The following CTNNA2 variants were observed in gnomAD, a reference collection of about 807,000 sequenced individuals.
The protein encoded by CTNNA2 is catenin alpha 2, also known as catenin alpha-2.
In CTNNA2, 42 loss-of-function variants were observed where a neutral mutation model predicts 101.0. The observed-to-expected ratio is 0.42, with a 90% confidence interval of 0.32 to 0.54. The LOEUF is 0.54. Ranked by LOEUF, CTNNA2 falls within the 20% of genes least tolerant of loss-of-function variation. The pLI is 0.14. For missense variants in CTNNA2, 871 were observed against 1,223.1 expected (o/e 0.71, Z 4.29); for synonymous variants, 450 against 456.4 (o/e 0.99, Z 0.18).
At chr2:80,190,032 G>C (rs1039370431) in intron 7 of CTNNA2, among the ~76,000 whole-genome samples, 4 of 151,900 alleles carry the variant, frequency 2.6e-5, no homozygotes, top group African/African-American at 9.7e-5. Flanking sequence ...TCTAATTACT[G>C]ATGCCTTTAA....
At chr2:79,470,436 G>A (rs563618701) in intron 4 of CTNNA2, among the ~76,000 whole-genome samples, 36 of 152,306 alleles carry the variant, frequency 2.4e-4, no homozygotes, top group Middle Eastern at 3.4e-3. Flanking sequence ...AAGGCAAGAA[G>A]GGATATTACA....
intron 7 of CTNNA2, among the ~76,000 whole-genome samples, chr2:79,976,675 T>A (rs1690867655): frequency 6.6e-6 from 1 of 152,192 alleles, no homozygotes; most frequent in Non-Finnish European, 1.5e-5. Context: ...ATTGTCCCAT[T>A]GCATAGACAA....
intron 3 of CTNNA2, among the ~76,000 whole-genome samples, chr2:79,846,512 C>T (rs1263471888): frequency 6.6e-6 from 1 of 152,158 alleles, no homozygotes; most frequent in Non-Finnish European, 1.5e-5. Flanking sequence ...CAAATACATA[C>T]ACATAAGTGG....
chr2:80,179,596 A>T (rs1359704714), intron 7 of CTNNA2, among the ~76,000 whole-genome samples: 1 of 152,088 alleles, frequency 6.6e-6, no homozygotes, highest in Admixed American at 6.6e-5. Flanking sequence ...GATGGTCTAG[A>T]TCTCCTGACC....
At chr2:79,666,302 G>A (rs1015015338) in intron 2 of CTNNA2, among the ~76,000 whole-genome samples, 1 of 152,066 alleles carries the variant, frequency 6.6e-6, no homozygotes, top group African/African-American at 2.4e-5. Flanking sequence ...TGATTTCTTA[G>A]TGTGGCTCCT....
chr2:80,116,423 G>T (rs1558823733), intron 7 of CTNNA2, among the ~76,000 whole-genome samples: 4 of 148,956 alleles, frequency 2.7e-5, no homozygotes, highest in African/African-American at 7.4e-5. Flanking sequence ...TTAGAATTTA[G>T]AAAGATAGCA....
chr2:79,874,401 ATGT>A, intron 6 of CTNNA2, 59 bp downstream of exon 6: 1 of 1,484,866 alleles, frequency 6.7e-7, no homozygotes, highest in Non-Finnish European at 9.2e-7. Flanking sequence ...AAAAAAAAAA[ATGT>A]ATTGAGGATG....
At chr2:80,099,252 A>G (rs1454492314) in intron 7 of CTNNA2, among the ~76,000 whole-genome samples, 2 of 152,012 alleles carry the variant, frequency 1.3e-5, no homozygotes, top group African/African-American at 4.8e-5. Context: ...CAGTTTTACC[A>G]TTTACTAGCT....
chr2:80,444,989 C>T (rs75645529), intron 9 of CTNNA2, among the ~76,000 whole-genome samples: 4 of 152,220 alleles, frequency 2.6e-5, no homozygotes, highest in East Asian at 3.9e-4. Flanking sequence ...TATATCCACA[C>T]GTTGCCCAGT....
chr2:79,403,481 G>A (rs1483412595), intron 4 of CTNNA2, among the ~76,000 whole-genome samples: 3 of 151,880 alleles, frequency 2.0e-5, no homozygotes, highest in African/African-American at 7.2e-5. Context: ...ATGGCTGGGG[G>A]GACCATGTTA....
At chr2:80,314,783 T>G (rs1677944039) in intron 7 of CTNNA2, among the ~76,000 whole-genome samples, 1 of 152,236 alleles carries the variant, frequency 6.6e-6, no homozygotes, top group Non-Finnish European at 1.5e-5. Flanking sequence ...GATTATTCCT[T>G]TGCGGATAGA....
At chr2:80,506,334 C>T (rs1040201680) in intron 9 of CTNNA2, among the ~76,000 whole-genome samples, 1 of 152,090 alleles carries the variant, frequency 6.6e-6, no homozygotes, top group African/African-American at 2.4e-5. Flanking sequence ...AAATAGGTTC[C>T]ACACAGGAAG....
Position 79,783,124 on chromosome 2 carries a change from G to A in CTNNA2, c.298+38542G>A, listed in dbSNP as rs895242541. On this transcript the variant is annotated intron_variant, in intron 3 of 18. Transcript: ENST00000402739. ...TAATCTTGACATTTTATGTCCCTCT[G>A]TGCATGCTGATGGAGGTTCTTTAAC... Among the ~76,000 whole-genome samples, 8 of 152,096 alleles carry A rather than the reference G, an allele frequency of 5.3e-5. No homozygotes were observed. In the East Asian group the frequency reaches 5.8e-4, roughly 11 times the overall value.
intron 18 of CTNNA2, among the ~76,000 whole-genome samples, chr2:80,643,295 C>T (rs1394268855): frequency 6.6e-6 from 1 of 152,024 alleles, no homozygotes; most frequent in Non-Finnish European, 1.5e-5. Flanking sequence ...CCTGGGTTTA[C>T]ATCTTGGCTT....
At chr2:79,808,887 C>T (rs959371669) in intron 3 of CTNNA2, among the ~76,000 whole-genome samples, 8 of 151,918 alleles carry the variant, frequency 5.3e-5, no homozygotes, top group African/African-American at 1.9e-4. Flanking sequence ...TTTGCTGCAC[C>T]CATCAAACCA....
rs145926350 is a variant in CTNNA2 at position 79,899,146 on chromosome 2, C to T, written c.853-10448C>T. Reference sequence around the variant, plus strand: ...AAAAACGATGGTCAAGAATGTAGAACGTTCCAGGAGACTAGAGATAACATG... The same window carrying T: ...AAAAACGATGGTCAAGAATGTAGAATGTTCCAGGAGACTAGAGATAACATG... On this transcript the variant is annotated intron_variant, in intron 6 of 18. Transcript: ENST00000402739. 6.0e-3 allele frequency among the ~76,000 whole-genome samples: 913 copies of T among 152,026 alleles called. 11 individuals carry two copies. Among genetic ancestry groups the T allele is most frequent in the African/African-American group, 0.02 (834 of 41,490 alleles).
intron 4 of CTNNA2, among the ~76,000 whole-genome samples, chr2:79,420,487 G>T (rs559309205): frequency 6.6e-6 from 1 of 152,148 alleles, no homozygotes; most frequent in African/African-American, 2.4e-5. Context: ...AATAAAAAGA[G>T]AAAATAACTG....
At chr2:79,956,172 C>T (rs1689209843) in intron 7 of CTNNA2, among the ~76,000 whole-genome samples, 1 of 152,102 alleles carries the variant, frequency 6.6e-6, no homozygotes. Context: ...GCCTCCACTC[C>T]TGACTCATCC....
At chr2:80,187,412 A>G (rs1011479767) in intron 7 of CTNNA2, among the ~76,000 whole-genome samples, 1 of 152,252 alleles carries the variant, frequency 6.6e-6, no homozygotes, top group African/African-American at 2.4e-5. Context: ...AGTTTTATTC[A>G]CACTATATAA....
Sources: gnomAD v4.1 joint callset for allele counts (sites outside exome capture counted in the v4.1 genomes callset) on GRCh38, gnomAD v4.1.1 for gene constraint, MANE v1.5 for transcripts, NCBI Gene and HGNC (gene_info 2026-07-23, HGNC 2026-07-21) for gene names.